SLC30A8: variants seen among roughly 807,000 people sequenced by gnomAD.
The protein encoded by SLC30A8 is solute carrier family 30 member 8.
A neutral mutation model predicts 36.9 loss-of-function variants in SLC30A8; 27 were observed. The ratio of observed to expected loss-of-function variants is 0.73; its 90% CI spans 0.54 to 1.01. The LOEUF (loss-of-function observed/expected upper bound fraction) is 1.01, where lower values mean the gene tolerates loss of function less well. SLC30A8 is among the 50% of genes least tolerant of loss of function. The probability of loss-of-function intolerance (pLI) is 0.00; values close to 1 mark genes in which losing one functional copy is unlikely to be tolerated. For missense variants in SLC30A8, 439 were observed against 452.0 expected (o/e 0.97, Z 0.26); for synonymous variants, 164 against 172.4 (o/e 0.95, Z 0.38).
intron 1 of SLC30A8, among the ~76,000 whole-genome samples, chr8:116,997,500 GT>G (rs5894359): frequency 0.039 from 5,830 of 149,702 alleles, 406 homozygotes; most frequent in African/African-American, 0.13. Flanking sequence ...AATTAAATCA[GT>G]TTTTTTTTTA....
At chr8:117,163,307 A>C in intron 5 of SLC30A8, 118 bp from the exon 6 acceptor site, 1 of 726,622 alleles carries the variant, frequency 1.4e-6, no homozygotes. Flanking sequence ...CACATGTCAA[A>C]AGGGTAAATG....
intron 2 of SLC30A8, among the ~76,000 whole-genome samples, chr8:117,058,264 T>A: frequency 6.6e-6 from 1 of 152,336 alleles, no homozygotes; most frequent in Admixed American, 6.5e-5. Flanking sequence ...GTTACATGAA[T>A]TCCTTATATA....
intron 1 of SLC30A8, among the ~76,000 whole-genome samples, chr8:116,973,938 C>A (rs560127165): frequency 3.3e-5 from 5 of 152,134 alleles, no homozygotes; most frequent in East Asian, 1.9e-4. Flanking sequence ...AGAAATGGGG[C>A]AAGGATTCCC....
At chr8:117,005,002 A>G (rs769539007) in intron 1 of SLC30A8, among the ~76,000 whole-genome samples, 10 of 152,184 alleles carry the variant, frequency 6.6e-5, no homozygotes, top group Non-Finnish European at 1.2e-4. Flanking sequence ...TTATTAATAT[A>G]TAACTCACAT....
At chr8:117,094,742 TCCAC>T (rs953146530) in intron 2 of SLC30A8, among the ~76,000 whole-genome samples, 2 of 152,190 alleles carry the variant, frequency 1.3e-5, no homozygotes, top group Non-Finnish European at 2.9e-5. Flanking sequence ...CCCGTCCCTT[TCCAC>T]CCAGGAGCCT....
chr8:117,120,012 G>A (rs146299993), intron 2 of SLC30A8, among the ~76,000 whole-genome samples: 310 of 151,908 alleles, frequency 2.0e-3, no homozygotes, highest in Non-Finnish European at 2.1e-3. Flanking sequence ...TCATAAATTG[G>A]AAGACTTAAT....
At chr8:116,969,405 A>T (rs1016700069) in intron 1 of SLC30A8, among the ~76,000 whole-genome samples, 1 of 152,164 alleles carries the variant, frequency 6.6e-6, no homozygotes, top group Non-Finnish European at 1.5e-5. Context: ...AAGTTACCTG[A>T]TGTTTCTGTG....
chr8:117,099,658 AGAATATTCAATG>A (rs1326108931), intron 2 of SLC30A8, among the ~76,000 whole-genome samples: 1 of 152,194 alleles, frequency 6.6e-6, no homozygotes, highest in East Asian at 1.9e-4. Context: ...ACTAGCTTAC[AGAATATTCAATG>A]GATGGGCTTT....
chr8:117,098,394 C>CA (rs1340075379), intron 2 of SLC30A8, among the ~76,000 whole-genome samples: 1 of 152,084 alleles, frequency 6.6e-6, no homozygotes, highest in Non-Finnish European at 1.5e-5. Context: ...TAAGAATACT[C>CA]AAAATCTTTG....
intron 2 of SLC30A8, among the ~76,000 whole-genome samples, chr8:117,071,132 A>G (rs573474145): frequency 2.0e-5 from 3 of 152,324 alleles, no homozygotes; most frequent in African/African-American, 7.2e-5. Context: ...ACTGTTGTCC[A>G]TAATGGCTAT....
chr8:117,156,159 C>CT (rs1563632271), intron 3 of SLC30A8, among the ~76,000 whole-genome samples: 11 of 152,068 alleles, frequency 7.2e-5, no homozygotes, highest in African/African-American at 2.4e-4. Context: ...CCTGCCTCAA[C>CT]GTCCTGAGTA....
At chr8:117,108,697 T>TGGG in intron 2 of SLC30A8, among the ~76,000 whole-genome samples, 1 of 152,284 alleles carries the variant, frequency 6.6e-6, no homozygotes, top group Non-Finnish European at 1.5e-5. Flanking sequence ...CCCTTGGAGT[T>TGGG]GGATGAAGAA....
chr8:117,158,086 G>T (rs1822593232), intron 4 of SLC30A8, among the ~76,000 whole-genome samples: 2 of 152,166 alleles, frequency 1.3e-5, no homozygotes, highest in Admixed American at 1.3e-4. Flanking sequence ...GCAGGGTTAG[G>T]ATGTTTGAAT....
At chr8:117,121,216 A>T (rs1250540540) in intron 2 of SLC30A8, among the ~76,000 whole-genome samples, 1 of 151,960 alleles carries the variant, frequency 6.6e-6, no homozygotes, top group Non-Finnish European at 1.5e-5. Flanking sequence ...CATTTTTCAC[A>T]ATACCCAAGA....
chr8:117,002,370 G>A (rs1816038892), intron 1 of SLC30A8, among the ~76,000 whole-genome samples: 1 of 152,128 alleles, frequency 6.6e-6, no homozygotes, highest in South Asian at 2.1e-4. Context: ...CATGCCTTAA[G>A]TTGACATCCG....
At chr8:117,084,766 T>C (rs1247876963) in intron 2 of SLC30A8, among the ~76,000 whole-genome samples, 1 of 152,192 alleles carries the variant, frequency 6.6e-6, no homozygotes, top group Non-Finnish European at 1.5e-5. Context: ...ACAACTAGTT[T>C]CTACATGAGC....
In SLC30A8 at chr8:117,072,854, T is replaced by C. The variant is rs530135945; in HGVS notation, c.-226+33596T>C. 1.2e-4 allele frequency among the ~76,000 whole-genome samples: 17 copies of C among 143,490 alleles called. No individual in the cohort carries two copies. The East Asian group carries it at 1.2e-3, about 10-fold the overall frequency. The allele number at this position is 143,490 out of a possible 152,430, so 94.1% of individuals were successfully genotyped here. On this transcript the variant is annotated intron_variant, in intron 2 of 10. Coordinates refer to the SLC30A8 transcript ENST00000427715. ...TCCTACTACTTTTTTTTTTTTTTTT[T>C]CAAATACAGGGGATTTTTTGTCCAG...
intron 1 of SLC30A8, among the ~76,000 whole-genome samples, chr8:117,143,411 C>A (rs1029342905): frequency 1.3e-5 from 2 of 152,066 alleles, no homozygotes; most frequent in African/African-American, 4.8e-5. Flanking sequence ...AGGATTTATT[C>A]ATTAACAGCA....
intron 2 of SLC30A8, among the ~76,000 whole-genome samples, chr8:117,087,113 A>C (rs1563586765): frequency 6.6e-6 from 1 of 152,222 alleles, no homozygotes; most frequent in Non-Finnish European, 1.5e-5. Flanking sequence ...ATTTCTCGGA[A>C]ATGGAATCTA....
Sources: gnomAD v4.1 joint callset for allele counts (sites outside exome capture counted in the v4.1 genomes callset) on GRCh38, gnomAD v4.1.1 for gene constraint, MANE v1.5 for transcripts, NCBI Gene and HGNC (gene_info 2026-07-23, HGNC 2026-07-21) for gene names.